OSBPL1A: variants seen among roughly 807,000 people sequenced by gnomAD.
OSBPL1A encodes oxysterol-binding protein-related protein 1.
Under a neutral mutation model 137.1 loss-of-function variants are expected in OSBPL1A, and 80 were observed. The ratio of observed to expected loss-of-function variants is 0.58; its 90% CI spans 0.49 to 0.70. OSBPL1A has a LOEUF of 0.70. Among genes scored for constraint, OSBPL1A ranks in the 30% least tolerant of loss-of-function variants. The pLI is 0.00. For missense variants in OSBPL1A, 970 were observed against 1,129.4 expected (o/e 0.86, Z 2.02); for synonymous variants, 365 against 389.7 (o/e 0.94, Z 0.75).
intron 14 of OSBPL1A, among the ~76,000 whole-genome samples, chr18:24,294,220 G>T (rs55705136): frequency 0.43 from 63,840 of 148,372 alleles, 14,275 homozygotes; most frequent in African/African-American, 0.54. Flanking sequence ...ATATGTGGTT[G>T]TTTTTTTTTT....
At chr18:24,365,873 G>A (rs928038546) in intron 4 of OSBPL1A, among the ~76,000 whole-genome samples, 3 of 152,022 alleles carry the variant, frequency 2.0e-5, no homozygotes, top group Non-Finnish European at 4.4e-5. Flanking sequence ...ACCAAATATG[G>A]GTGGGGGCAG....
chr18:24,261,406 T>C (rs1206443826), intron 15 of OSBPL1A, among the ~76,000 whole-genome samples: 3 of 152,218 alleles, frequency 2.0e-5, no homozygotes, highest in Admixed American at 1.3e-4. Flanking sequence ...ACGTGGAGTT[T>C]ATTGTACATC....
intron 15 of OSBPL1A, among the ~76,000 whole-genome samples, chr18:24,280,098 A>C (rs1011531269): frequency 6.6e-6 from 1 of 152,044 alleles, no homozygotes; most frequent in African/African-American, 2.4e-5. Flanking sequence ...GGTGTGCGCC[A>C]CCACGCCTGG....
intron 22 of OSBPL1A, among the ~76,000 whole-genome samples, chr18:24,172,011 G>A (rs577047627): frequency 2.0e-5 from 3 of 151,440 alleles, no homozygotes; most frequent in Middle Eastern, 3.5e-3. Context: ...CGCTATCTCG[G>A]CTCACTGCAA....
chr18:24,379,595 CAG>C (rs1334567351), intron 1 of OSBPL1A, among the ~76,000 whole-genome samples: 1 of 151,228 alleles, frequency 6.6e-6, no homozygotes, highest in Non-Finnish European at 1.5e-5. Context: ...AAAAAGAAAA[CAG>C]AGAGACAGAG....
At chr18:24,288,179 T>C (rs1017696211) in intron 14 of OSBPL1A, among the ~76,000 whole-genome samples, 3 of 152,112 alleles carry the variant, frequency 2.0e-5, no homozygotes, top group Admixed American at 6.5e-5. Context: ...GGAAACTACA[T>C]GTAAAAGATG....
chr18:24,318,003 A>G (rs1268103996), intron 9 of OSBPL1A, among the ~76,000 whole-genome samples: 1 of 152,132 alleles, frequency 6.6e-6, no homozygotes, highest in Non-Finnish European at 1.5e-5. Context: ...ATCTAGTAAG[A>G]AAAAAATGTA....
intron 15 of OSBPL1A, among the ~76,000 whole-genome samples, chr18:24,265,386 A>G (rs1157962118): frequency 1.3e-5 from 2 of 152,204 alleles, no homozygotes; most frequent in African/African-American, 4.8e-5. Context: ...ATGCTGAGAC[A>G]GGAGAATTGC....
intron 7 of OSBPL1A, chr18:24,321,725 G>A (rs958657957): frequency 1.9e-6 from 1 of 515,816 alleles, no homozygotes; most frequent in African/African-American, 1.9e-5. Context: ...GAAAAGCTGG[G>A]TTGAGAGGGT....
chr18:24,306,287 T>G (rs1023166464), intron 13 of OSBPL1A, among the ~76,000 whole-genome samples: 1 of 152,168 alleles, frequency 6.6e-6, no homozygotes, highest in Non-Finnish European at 1.5e-5. Context: ...TGGTTTTGTA[T>G]GAGTTAAGCT....
rs148174781 is a variant in OSBPL1A, at chr18:24,338,589, T to C, written c.394+2958A>G. Among the ~76,000 whole-genome samples the C allele has an allele frequency of 7.9e-5, 12 of 152,294 alleles. No homozygotes were observed. The East Asian group carries it at 1.5e-3, about 20-fold the overall frequency. ...AGCCCTGGTTTGGCCACAAGTAAGA[T>C]CATCCCTTCTCCCAAGTAACAGCTC... On this transcript the variant is annotated intron_variant, in intron 5 of 27. Transcript: ENST00000319481.
intron 21 of OSBPL1A, among the ~76,000 whole-genome samples, chr18:24,177,144 CGT>C (rs959206202): frequency 1.3e-5 from 2 of 152,206 alleles, no homozygotes; most frequent in Admixed American, 6.5e-5. Flanking sequence ...CTCTGAGGTA[CGT>C]GTGTGATTGC....
intron 13 of OSBPL1A, among the ~76,000 whole-genome samples, chr18:24,309,556 C>T (rs912461988): frequency 6.6e-6 from 1 of 152,098 alleles, no homozygotes; most frequent in Admixed American, 6.5e-5. Flanking sequence ...ATGACTAATT[C>T]CCCTTAGAAT....
chr18:24,189,960 A>G (rs1158864445), intron 18 of OSBPL1A, among the ~76,000 whole-genome samples: 1 of 152,282 alleles, frequency 6.6e-6, no homozygotes, highest in African/African-American at 2.4e-5. Flanking sequence ...ACTGAACCAC[A>G]GTGTGGGCAC....
chr18:24,362,702 T>A (rs779407960), intron 4 of OSBPL1A, among the ~76,000 whole-genome samples: 11 of 152,246 alleles, frequency 7.2e-5, no homozygotes, highest in Non-Finnish European at 1.5e-5. Flanking sequence ...TAATTTTGCA[T>A]ATCATTTAAA....
intron 14 of OSBPL1A, among the ~76,000 whole-genome samples, chr18:24,300,008 G>A (rs553983054): frequency 6.6e-6 from 1 of 152,264 alleles, no homozygotes; most frequent in African/African-American, 2.4e-5. Flanking sequence ...TGGAAGAATG[G>A]ATTGATAACA....
In OSBPL1A at chr18:24,318,693, A is replaced by C. The variant is rs375037672; in HGVS notation, c.688-48T>G. ...AAAAATGCATCTACATATTTCAAAC[A>C]TTCAAAAATTTTTTTCTAAAAATTA... On this transcript the variant is annotated intron_variant, in intron 8 of 27. Coordinates refer to ENST00000319481, the MANE Select transcript of OSBPL1A (RefSeq NM_080597.4). 3.1e-6 allele frequency: 5 copies of C among 1,599,176 alleles called. No homozygotes were observed. The African/African-American group carries it at 6.8e-5, about 22-fold the overall frequency.
At chr18:24,188,903 G>A (rs1422280641) in intron 18 of OSBPL1A, among the ~76,000 whole-genome samples, 1 of 152,136 alleles carries the variant, frequency 6.6e-6, no homozygotes, top group African/African-American at 2.4e-5. Context: ...GAAGTCTGGT[G>A]CTGCATTCTC....
intron 15 of OSBPL1A, among the ~76,000 whole-genome samples, chr18:24,242,941 T>C (rs1844555065): frequency 1.3e-5 from 2 of 152,174 alleles, no homozygotes; most frequent in Non-Finnish European, 2.9e-5. Context: ...AATAAAAAGC[T>C]GTCCTACTTC....
Sources: allele counts gnomAD v4.1 joint callset (sites outside exome capture counted in the v4.1 genomes callset), GRCh38; gene constraint gnomAD v4.1.1; transcripts MANE v1.5; gene names NCBI Gene and HGNC (gene_info 2026-07-23, HGNC 2026-07-21).